The following NCAM2 variants were observed in gnomAD, a reference collection of about 807,000 sequenced individuals.
NCAM2 encodes the protein neural cell adhesion molecule 2, also known as N-CAM-2.
NCAM2 carries 30 observed loss-of-function variants against 98.1 expected under a neutral mutation model. The observed-to-expected ratio is 0.31, with a 90% CI of 0.23 to 0.41. NCAM2 has a LOEUF of 0.41. Ranked by LOEUF, NCAM2 falls within the 10% of genes least tolerant of loss-of-function variation. The pLI is 1.00. For synonymous variants in NCAM2, 368 were observed against 342.4 expected, an observed-to-expected ratio of 1.07 and a Z score of -0.83; for missense variants, 867 against 1,005.8, an observed-to-expected ratio of 0.86 and a Z score of 1.87.
chr21:21,297,658 C>T (rs150915459), intron 5 of NCAM2, among the ~76,000 whole-genome samples: 2,629 of 151,694 alleles, frequency 0.017, 29 homozygotes, highest in Non-Finnish European at 0.027. Flanking sequence ...AATATTGTCT[C>T]TCTTACTTTA....
chr21:21,172,514 T>C (rs543646693), intron 1 of NCAM2, among the ~76,000 whole-genome samples: 9 of 152,272 alleles, frequency 5.9e-5, no homozygotes, highest in African/African-American at 2.2e-4. Flanking sequence ...ACTTTACATG[T>C]ACATTGCATA....
At chr21:21,158,980 A>T (rs996975236) in intron 1 of NCAM2, among the ~76,000 whole-genome samples, 1 of 152,156 alleles carries the variant, frequency 6.6e-6, no homozygotes, top group Admixed American at 6.5e-5. Context: ...GGATAGCTCC[A>T]TGATGTTATT....
At chr21:21,449,150 C>T (rs571903577) in intron 12 of NCAM2, among the ~76,000 whole-genome samples, 6 of 151,766 alleles carry the variant, frequency 4.0e-5, no homozygotes, top group Non-Finnish European at 7.4e-5. Context: ...TTAAGGAGAA[C>T]TTCTATGCAA....
In NCAM2 at chr21:21,146,546, G is replaced by GATATATATATATAT. The variant is rs201917811; in HGVS notation, c.56-134022_56-134021insATATATATATATAT. On this transcript the variant is annotated intron_variant, in intron 1 of 17. Transcript: ENST00000400546. ...ATGTGATTATATAAAATACTTACAG[G>GATATATATATATAT]ATATATATATGTATATATATATATA... is the stretch of plus-strand genomic sequence containing the variant. Among the ~76,000 whole-genome samples, 434 of 50,268 alleles carry GATATATATATATAT rather than the reference G, an allele frequency of 8.6e-3. 1 individual carries two copies. Among genetic ancestry groups the GATATATATATATAT allele is most frequent in the African/African-American group, 0.016 (304 of 19,440 alleles). 33.0% of individuals were successfully genotyped at this position (50,268 alleles called of 152,430 possible). A position where few individuals can be genotyped will look rare whatever the true frequency, so the allele number is the denominator to read the frequency against.
At chr21:21,527,829 A>C (rs1000735136) in intron 16 of NCAM2, among the ~76,000 whole-genome samples, 1 of 152,196 alleles carries the variant, frequency 6.6e-6, no homozygotes, top group Admixed American at 6.5e-5. Flanking sequence ...CTTAAAATTT[A>C]TTATTTGAGC....
At chr21:21,178,360 C>G (rs1050218285) in intron 1 of NCAM2, among the ~76,000 whole-genome samples, 8 of 152,256 alleles carry the variant, frequency 5.3e-5, no homozygotes, top group Non-Finnish European at 1.0e-4. Flanking sequence ...AATATAGTCA[C>G]TACTGCCTTC....
rs1990286929 is a variant in NCAM2 at position 21,542,873 on chromosome 21, A to G, written c.*4916A>G. ...TTAATTTTGCAAATAGTTTTTTTAGAGAACAACATGCATACTATAAAAGAA... is the reference window on the plus strand; with the variant it reads ...TTAATTTTGCAAATAGTTTTTTTAGGGAACAACATGCATACTATAAAAGAA... On this transcript the variant is annotated 3_prime_UTR_variant, in exon 18 of 18. Transcript: ENST00000400546. The G allele has an allele frequency of 6.6e-6, 1 of 151,936 alleles. No individual in the cohort carries two copies. Among genetic ancestry groups the G allele is most frequent in the African/African-American group, 2.4e-5 (1 of 41,436 alleles). The allele number at this position is 151,936 out of a possible 1,614,324, so 9.4% of individuals were successfully genotyped here. A position where few individuals can be genotyped will look rare whatever the true frequency, so the allele number is the denominator to read the frequency against.
chr21:21,410,478 A>T lies in NCAM2; in HGVS notation c.1383+17A>T. The T allele has an allele frequency of 7.3e-7, 1 of 1,373,742 alleles. No homozygotes were observed. Among genetic ancestry groups the T allele is most frequent in the Non-Finnish European group, 9.8e-7 (1 of 1,025,362 alleles). 85.1% of individuals were successfully genotyped at this position (1,373,742 alleles called of 1,614,324 possible). Reference sequence around the variant, plus strand: ...ATATTAGAGGTAAGTCCACATGTATACATCAATAAATTGTATTATTTTAAC... The same window carrying T: ...ATATTAGAGGTAAGTCCACATGTATTCATCAATAAATTGTATTATTTTAAC... On this transcript the variant is annotated intron_variant, in intron 10 of 17. Transcript: ENST00000400546.
chr21:21,355,506 TAAGGGAGGGAGAGAGGGAGGAGG>T (rs2075450803), intron 8 of NCAM2, among the ~76,000 whole-genome samples: 1 of 51,090 alleles, frequency 2.0e-5, no homozygotes, highest in Non-Finnish European at 4.2e-5. Context: ...AGAAAAGAAA[TAAGGGAGGGAGAGAGGGAGGAGG>T]GAGGGAGGGA....
intron 1 of NCAM2, among the ~76,000 whole-genome samples, chr21:21,234,488 G>C (rs1465140276): frequency 6.6e-6 from 1 of 151,852 alleles, no homozygotes; most frequent in Non-Finnish European, 1.5e-5. Context: ...AATTAACTTA[G>C]AATGTGTATA....
rs150929537 is a variant in NCAM2, at chr21:21,310,338, C to G, written c.620-14045C>G. Among the ~76,000 whole-genome samples, 163 of 152,146 alleles carry G rather than the reference C, an allele frequency of 1.1e-3. 1 individual carries two copies. Among genetic ancestry groups the G allele is most frequent in the Non-Finnish European group, 1.9e-3 (132 of 68,002 alleles). ...GCCCACATTTTAGGTGTCTCAGGAACATGAAGAATATACAACCAGTGCAAT... is the reference window on the plus strand; with the variant it reads ...GCCCACATTTTAGGTGTCTCAGGAAGATGAAGAATATACAACCAGTGCAAT... On this transcript the variant is annotated intron_variant, in intron 5 of 17. Transcript: ENST00000400546.
intron 9 of NCAM2, among the ~76,000 whole-genome samples, chr21:21,403,192 T>C (rs2076668630): frequency 6.6e-6 from 1 of 152,186 alleles, no homozygotes; most frequent in Non-Finnish European, 1.5e-5. Context: ...TTGTAAGACT[T>C]GTGACAAGTT....
chr21:21,247,164 A>G (rs1363139079), intron 1 of NCAM2, among the ~76,000 whole-genome samples: 1 of 151,604 alleles, frequency 6.6e-6, no homozygotes. Flanking sequence ...CTAAAAATAC[A>G]AAAATTTAGC....
At chr21:21,007,910 T>A (rs1405893019) in intron 1 of NCAM2, among the ~76,000 whole-genome samples, 2 of 152,178 alleles carry the variant, frequency 1.3e-5, no homozygotes, top group Non-Finnish European at 2.9e-5. Context: ...ATGGAGTTGC[T>A]GTGATTCAGA....
chr21:21,033,954 C>T (rs1019879689), intron 1 of NCAM2, among the ~76,000 whole-genome samples: 9 of 151,392 alleles, frequency 5.9e-5, no homozygotes, highest in African/African-American at 2.2e-4. Context: ...TTTAGTCCCC[C>T]ATTCGAAACT....
At chr21:21,308,917 G>A (rs772513016) in intron 5 of NCAM2, among the ~76,000 whole-genome samples, 8 of 150,854 alleles carry the variant, frequency 5.3e-5, no homozygotes, top group African/African-American at 1.5e-4. Flanking sequence ...CTTTTCTTTG[G>A]CAATGTTTAA....
chr21:21,250,849 C>T (rs114111464), intron 1 of NCAM2, among the ~76,000 whole-genome samples: 30 of 152,244 alleles, frequency 2.0e-4, no homozygotes, highest in African/African-American at 6.7e-4. Context: ...AAGTATTTAA[C>T]GAATTTCTTT....
At chr21:21,503,869 ATTAT>A (rs1459318941) in intron 15 of NCAM2, among the ~76,000 whole-genome samples, 2 of 151,796 alleles carry the variant, frequency 1.3e-5, no homozygotes, top group East Asian at 3.9e-4. Context: ...TATATTCTAA[ATTAT>A]TTATTCTTAT....
At chr21:21,136,925 A>G (rs973627427) in intron 1 of NCAM2, among the ~76,000 whole-genome samples, 1 of 151,872 alleles carries the variant, frequency 6.6e-6, no homozygotes, top group African/African-American at 2.4e-5. Flanking sequence ...GTTTAAGGAC[A>G]AAAAAGCTAT....
Sources: gnomAD v4.1 joint callset for allele counts (sites outside exome capture counted in the v4.1 genomes callset) on GRCh38, gnomAD v4.1.1 for gene constraint, MANE v1.5 for transcripts, NCBI Gene and HGNC (gene_info 2026-07-23, HGNC 2026-07-21) for gene names.